The following ADCY2 variants were observed in gnomAD, a reference collection of about 807,000 sequenced individuals.
ADCY2 encodes the protein adenylate cyclase type 2.
Under a neutral mutation model 125.2 loss-of-function variants are expected in ADCY2, and 31 were observed. That is an observed-to-expected ratio of 0.25 (90% CI 0.19 to 0.33). The LOEUF is 0.33. ADCY2 is among the 10% of genes least tolerant of loss of function. The pLI is 1.00. For missense variants in ADCY2, 904 were observed against 1,418.2 expected, an observed-to-expected ratio of 0.64 and a Z score of 5.82; for synonymous variants, 512 against 548.4, an observed-to-expected ratio of 0.93 and a Z score of 0.93.
intron 3 of ADCY2, among the ~76,000 whole-genome samples, chr5:7,538,942 C>T (rs1734909832): frequency 6.7e-6 from 1 of 149,412 alleles, no homozygotes; most frequent in South Asian, 2.1e-4. Flanking sequence ...CAGCTCACTG[C>T]AACCTCTGCC....
At chr5:7,820,814 T>C (rs1745273837) in intron 24 of ADCY2, 125 bp downstream of exon 24, 12 of 1,276,170 alleles carry the variant, frequency 9.4e-6, no homozygotes, top group Non-Finnish European at 1.2e-5. Context: ...TGAAATTTAC[T>C]TATCTTTTGG....
In ADCY2 at chr5:7,660,153, C is replaced by G. The variant is rs114520482; in HGVS notation, c.721-30538C>G. Among the ~76,000 whole-genome samples the G allele has an allele frequency of 3.4e-3, 471 of 139,626 alleles. 1 individual carries two copies. Among genetic ancestry groups the G allele is most frequent in the African/African-American group, 0.012 (448 of 37,876 alleles). 91.6% of individuals were successfully genotyped at this position (139,626 alleles called of 152,430 possible). On this transcript the variant is annotated intron_variant, in intron 4 of 24. Coordinates refer to ENST00000338316, the MANE Select transcript of ADCY2 (RefSeq NM_020546.3). ...ACCCACATGCAATTTACCCATTTAA[C>G]AAATCTGTACACATACCTCCAGAAC... is the stretch of plus-strand genomic sequence containing the variant.
chr5:7,812,679 G>A (rs914610214), intron 22 of ADCY2, among the ~76,000 whole-genome samples: 31 of 152,154 alleles, frequency 2.0e-4, no homozygotes, highest in African/African-American at 7.0e-4. Flanking sequence ...AGGCCAAGGC[G>A]GGCGGATCAC....
chr5:7,418,173 G>A (rs909866998), intron 2 of ADCY2, among the ~76,000 whole-genome samples: 1 of 152,026 alleles, frequency 6.6e-6, no homozygotes, highest in Non-Finnish European at 1.5e-5. Flanking sequence ...TGACATTTTT[G>A]CTTTTACGTA....
chr5:7,794,381 C>T (rs767730729), intron 20 of ADCY2: 2 of 152,282 alleles, frequency 1.3e-5, no homozygotes, highest in African/African-American at 2.4e-5. Context: ...AGACCTATGC[C>T]GTCTCCTCAA....
intron 2 of ADCY2, among the ~76,000 whole-genome samples, chr5:7,431,168 A>T (rs1005511319): frequency 5.3e-5 from 8 of 152,230 alleles, no homozygotes; most frequent in Admixed American, 6.5e-5. Flanking sequence ...AGTAATCAAG[A>T]TAGCGTGATA....
intron 4 of ADCY2, among the ~76,000 whole-genome samples, chr5:7,630,759 T>C (rs1448697157): frequency 2.6e-5 from 4 of 151,732 alleles, no homozygotes; most frequent in African/African-American, 9.7e-5. Context: ...GTAGAATCTT[T>C]CAATTGCTTT....
rs560869775 is a variant in ADCY2 at position 7,512,655 on chromosome 5, T to C, written c.409-8083T>C. 3.9e-5 allele frequency among the ~76,000 whole-genome samples: 6 copies of C among 152,302 alleles called. No individual in the cohort carries two copies. In the East Asian group the frequency reaches 1.2e-3, roughly 29 times the overall value. On this transcript the variant is annotated intron_variant, in intron 2 of 24. Coordinates refer to ENST00000338316, the MANE Select transcript of ADCY2 (RefSeq NM_020546.3). Reference sequence around the variant, plus strand: ...TTGATAATCTAGAGTCTCTGTGTCATGTCTTCCTGTAAATAATATTAACAA... The same window carrying C: ...TTGATAATCTAGAGTCTCTGTGTCACGTCTTCCTGTAAATAATATTAACAA...
intron 10 of ADCY2, among the ~76,000 whole-genome samples, 167 bp from the exon 11 acceptor site, chr5:7,712,689 G>T (rs1741476537): frequency 6.6e-6 from 1 of 152,172 alleles, no homozygotes; most frequent in Admixed American, 6.5e-5. Context: ...TTTACAACTT[G>T]ATTCACACTT....
At position 7,820,586 on chromosome 5, in the gene ADCY2, T is replaced by C. The variant is rs1240154472; in HGVS notation, c.3020T>C (p.Ile1007Thr). ...ACAGGTATTAACCATGGACCTGTGA[T>C]AGCTGGTGTGATTGGAGCTCAGAAG... ...LRVGINHGPV[I>T]AGVIGAQKPQ... Residue 1007 changes from isoleucine to threonine, a missense_variant, in exon 24 of 25, where the codon ATA (isoleucine) becomes ACA (threonine). This residue lies in a region of ADCY2 where 181 missense variants were observed against 381.6 expected (regional missense o/e 0.47). Coordinates refer to ENST00000338316, the MANE Select transcript of ADCY2 (RefSeq NM_020546.3). 1 of 1,613,930 alleles carries C rather than the reference T, an allele frequency of 6.2e-7. No individual in the cohort carries two copies. The highest frequency in any genetic ancestry group is 8.5e-7 in the Non-Finnish European group (1 of 1,179,874).
At chr5:7,718,145 A>AT (rs59353850) in intron 12 of ADCY2, among the ~76,000 whole-genome samples, 8,313 of 115,194 alleles carry the variant, frequency 0.072, 865 homozygotes, top group African/African-American at 0.19. Flanking sequence ...CCTGTTTTAG[A>AT]TTTTTTTTTT....
intron 2 of ADCY2, among the ~76,000 whole-genome samples, chr5:7,513,828 CTAATTTCT>C (rs1347035942): frequency 1.3e-5 from 2 of 152,082 alleles, no homozygotes; most frequent in African/African-American, 4.8e-5. Context: ...AATGGTATTT[CTAATTTCT>C]TAGATTTTTT....
chr5:7,713,803 T>G (rs1579347179), intron 11 of ADCY2, among the ~76,000 whole-genome samples: 1 of 152,254 alleles, frequency 6.6e-6, no homozygotes, highest in East Asian at 1.9e-4. Context: ...TTCCAAACCC[T>G]AAGCCAGGCT....
At chr5:7,447,594 A>G (rs184279535) in intron 2 of ADCY2, among the ~76,000 whole-genome samples, 461 of 152,252 alleles carry the variant, frequency 3.0e-3, no homozygotes, top group Non-Finnish European at 4.4e-3. Flanking sequence ...TCTAGCAGAA[A>G]TGTTCACTCC....
chr5:7,811,113 T>C (rs150578860), intron 22 of ADCY2, among the ~76,000 whole-genome samples: 79 of 152,132 alleles, frequency 5.2e-4, no homozygotes, highest in African/African-American at 1.9e-3. Context: ...AAAGAACTTG[T>C]ACTCCCGGAA....
chr5:7,808,531 C>A (rs996694912), intron 22 of ADCY2, among the ~76,000 whole-genome samples: 1 of 152,186 alleles, frequency 6.6e-6, no homozygotes, highest in African/African-American at 2.4e-5. Flanking sequence ...AAACTCTTTG[C>A]CCATTTTAAA....
chr5:7,741,862 C>CCTATCAATATCACCATCA (rs1428501178), intron 14 of ADCY2, among the ~76,000 whole-genome samples: 4 of 151,170 alleles, frequency 2.6e-5, no homozygotes, highest in African/African-American at 9.7e-5. Context: ...CATCACCATC[C>CCTATCAATATCACCATCA]CTATCAATAT....
Position 7,729,882 on chromosome 5 carries a change from G to A in ADCY2, c.1871+2621G>A, listed in dbSNP as rs532725679. On this transcript the variant is annotated intron_variant, in intron 14 of 24. Transcript: ENST00000338316. ...TATTATATATTTACATGTTTTTAAT[G>A]TTATATATTTTTGGTCAATATCTTT... 4.7e-5 allele frequency among the ~76,000 whole-genome samples: 7 copies of A among 149,444 alleles called. No homozygotes were observed. The South Asian group carries it at 1.5e-3, about 32-fold the overall frequency.
intron 23 of ADCY2, among the ~76,000 whole-genome samples, chr5:7,819,437 T>A (rs989859184): frequency 6.6e-6 from 1 of 152,194 alleles, no homozygotes; most frequent in African/African-American, 2.4e-5. Flanking sequence ...CAACGTGCCA[T>A]TTTCCTGGTC....
Sources: allele counts gnomAD v4.1 joint callset (sites outside exome capture counted in the v4.1 genomes callset), GRCh38; gene constraint gnomAD v4.1.1; regional missense constraint gnomAD v4.1.1; transcripts MANE v1.5; gene names NCBI Gene and HGNC (gene_info 2026-07-23, HGNC 2026-07-21).